Variants in HORMAD1 observed in about 807,000 individuals in gnomAD.
HORMAD1 encodes HORMA domain-containing protein 1.
HORMAD1 carries 33 observed loss-of-function variants against 58.2 expected under a neutral mutation model. The ratio of observed to expected loss-of-function variants is 0.57; its 90% CI spans 0.43 to 0.76. The LOEUF is 0.76. Among genes scored for constraint, HORMAD1 ranks in the 30% least tolerant of loss-of-function variants. The pLI is 0.00. For synonymous variants in HORMAD1, 137 were observed against 144.6 expected, an observed-to-expected ratio of 0.95 and a Z score of 0.38; for missense variants, 363 against 462.0, an observed-to-expected ratio of 0.79 and a Z score of 1.96.
intron 1 of HORMAD1, among the ~76,000 whole-genome samples, chr1:150,720,294 C>T (rs184489577): frequency 4.6e-5 from 7 of 152,300 alleles, no homozygotes; most frequent in African/African-American, 1.7e-4. Flanking sequence ...AAACTCCTGA[C>T]CTCGTGATCC....
In HORMAD1 at chr1:150,700,178, A is replaced by C. The variant is rs765065377; in HGVS notation, c.1038T>G (p.Asn346Lys). The C allele has an allele frequency of 3.2e-6, 5 of 1,560,112 alleles. No homozygotes were observed. The African/African-American group carries it at 6.8e-5, about 21-fold the overall frequency. ...SGKVFQNKMA[N>K]GNQPVKSSKE... is the part of the protein sequence containing the mutation. ...TGGAAGATTTTACTGGTTGATTTCC[A>C]TTTGCCTCCACAAAGATAGAATAAT... The change falls in exon 14 of 15, where the codon AAT becomes AAG. Residue 346 changes from asparagine to lysine, a missense_variant. Transcript: ENST00000361824.
chr1:150,704,025 C>A, intron 12 of HORMAD1, 93 bp downstream of exon 12: 12 of 756,762 alleles, frequency 1.6e-5, no homozygotes, highest in Middle Eastern at 3.4e-4. Flanking sequence ...TCTAAAAGAC[C>A]TGGAATAAGA....
chr1:150,698,604 A>G lies in HORMAD1; in HGVS notation c.*50T>C, dbSNP rs755973836. On this transcript the variant is annotated 3_prime_UTR_variant, in exon 15 of 15. Coordinates refer to ENST00000361824, the MANE Select transcript of HORMAD1 (RefSeq NM_032132.5). ...AGGGAAATATAATATAGGGTCCTTCAGTTTAAATGGTGAGAAGAACTCTGC... is the reference window on the plus strand; with the variant it reads ...AGGGAAATATAATATAGGGTCCTTCGGTTTAAATGGTGAGAAGAACTCTGC... 4.2e-6 allele frequency: 4 copies of G among 950,036 alleles called. No individual in the cohort carries two copies. Among genetic ancestry groups the G allele is most frequent in the Non-Finnish European group, 1.7e-6 (1 of 599,200 alleles). 58.9% of individuals were successfully genotyped at this position (950,036 alleles called of 1,614,324 possible).
At chr1:150,700,256 T>C (rs1393440545) in intron 13 of HORMAD1, 73 bp from the exon 14 acceptor site, 3 of 779,314 alleles carry the variant, frequency 3.8e-6, no homozygotes, top group Admixed American at 1.9e-5. Context: ...TTCAATCTTA[T>C]GCAACGATAT....
Position 150,710,170 on chromosome 1 carries a change from G to A in HORMAD1, c.328-1209C>T, listed in dbSNP as rs371236431. 7.9e-5 allele frequency among the ~76,000 whole-genome samples: 12 copies of A among 152,038 alleles called. No homozygotes were observed. In the East Asian group the frequency reaches 2.1e-3, roughly 27 times the overall value. On this transcript the variant is annotated intron_variant, in intron 7 of 14. Transcript: ENST00000361824. ...CTTTTCTCAGTCTCTCGTCCCACCC[G>A]ACTAGAAATACCCACAGGTGTGGAG...
intron 10 of HORMAD1, 143 bp from the exon 11 acceptor site, chr1:150,704,486 T>A (rs998681099): frequency 8.1e-6 from 5 of 614,108 alleles, no homozygotes; most frequent in South Asian, 4.2e-5. Context: ...TGGCTCATGC[T>A]TGTATTACTA....
intron 14 of HORMAD1, 64 bp from the exon 15 acceptor site, chr1:150,698,798 T>C: frequency 1.1e-6 from 1 of 926,814 alleles, no homozygotes; most frequent in South Asian, 1.7e-5. Flanking sequence ...TAATTGTAGA[T>C]TTTTTCATGT....
chr1:150,717,338 C>A, intron 2 of HORMAD1, 56 bp from the exon 3 acceptor site: 1 of 1,172,742 alleles, frequency 8.5e-7, no homozygotes. Flanking sequence ...AATAAAGTTT[C>A]TCTTGACTTA....
At chr1:150,711,370 C>T (rs1651897526) in intron 7 of HORMAD1, among the ~76,000 whole-genome samples, 175 bp downstream of exon 7, 2 of 152,134 alleles carry the variant, frequency 1.3e-5, no homozygotes, top group Non-Finnish European at 2.9e-5. Flanking sequence ...TTAAAGGTAA[C>T]AATCCAAGCC....
chr1:150,708,170 C>A, intron 9 of HORMAD1, 86 bp downstream of exon 9: 1 of 1,066,620 alleles, frequency 9.4e-7, no homozygotes, highest in South Asian at 2.2e-5. Flanking sequence ...AATTTAGGTG[C>A]TAAAAATATT....
chr1:150,713,773 T>C (rs973548692), intron 5 of HORMAD1: 1 of 225,574 alleles, frequency 4.4e-6, no homozygotes, highest in East Asian at 1.2e-4. Context: ...GTAGAAGGCA[T>C]GTGAAACTAA....
At chr1:150,705,487 T>C (rs1291657240) in intron 10 of HORMAD1, among the ~76,000 whole-genome samples, 2 of 151,586 alleles carry the variant, frequency 1.3e-5, no homozygotes, top group African/African-American at 4.9e-5. Context: ...ATCGTGCCAT[T>C]GCACTCCAGC....
Position 150,714,665 on chromosome 1 carries a change from T to C in HORMAD1, c.192A>G (p.Lys64=). ...GGCAATTTTTATCTTCTCTCAGTATTTTGACACAAAGATCTAAACACAAAA... is the reference window on the plus strand; with the variant it reads ...GGCAATTTTTATCTTCTCTCAGTATCTTGACACAAAGATCTAAACACAAAA... ...GTRYLDDLCV[K]ILREDKNCPG... The change falls in exon 4 of 15, where the codon AAA becomes AAG. Residue 64 remains lysine, a synonymous_variant. Coordinates refer to ENST00000361824, the MANE Select transcript of HORMAD1 (RefSeq NM_032132.5). 6.6e-7 allele frequency: 1 copy of C among 1,507,716 alleles called. No individual in the cohort carries two copies. The highest frequency in any genetic ancestry group is 9.0e-7 in the Non-Finnish European group (1 of 1,108,960). 93.4% of individuals were successfully genotyped at this position (1,507,716 alleles called of 1,614,324 possible).
intron 13 of HORMAD1, among the ~76,000 whole-genome samples, chr1:150,701,689 C>T (rs1461141335): frequency 6.6e-6 from 1 of 152,088 alleles, no homozygotes; most frequent in Admixed American, 6.5e-5. Flanking sequence ...TTGAGAGTAA[C>T]TTAAAGGTCT....
intron 3 of HORMAD1, among the ~76,000 whole-genome samples, chr1:150,715,257 T>C (rs1652034914): frequency 6.6e-6 from 1 of 152,184 alleles, no homozygotes; most frequent in African/African-American, 2.4e-5. Flanking sequence ...TGAAATTAGA[T>C]ATGTTGCTTT....
chr1:150,707,303 A>T (rs1651724492), intron 9 of HORMAD1, among the ~76,000 whole-genome samples: 1 of 152,188 alleles, frequency 6.6e-6, no homozygotes, highest in Non-Finnish European at 1.5e-5. Context: ...ACCATTCCAT[A>T]CCTAGCTGGT....
chr1:150,712,946 C>T (rs930571628), intron 5 of HORMAD1, among the ~76,000 whole-genome samples: 2 of 152,164 alleles, frequency 1.3e-5, no homozygotes, highest in Admixed American at 1.3e-4. Flanking sequence ...AGTGCTCTGG[C>T]CCTGCTTATC....
chr1:150,702,624 C>A (rs1278176492), intron 13 of HORMAD1, among the ~76,000 whole-genome samples: 2 of 152,030 alleles, frequency 1.3e-5, no homozygotes, highest in African/African-American at 4.8e-5. Context: ...AGCCATTATC[C>A]TCAGCAAACT....
chr1:150,718,182 C>A (rs1333840212), intron 2 of HORMAD1, among the ~76,000 whole-genome samples: 5 of 151,942 alleles, frequency 3.3e-5, no homozygotes, highest in Admixed American at 2.6e-4. Flanking sequence ...AAAAAGGAAA[C>A]CCATACCAAT....
Sources: allele counts gnomAD v4.1 joint callset (sites outside exome capture counted in the v4.1 genomes callset), GRCh38; gene constraint gnomAD v4.1.1; transcripts MANE v1.5; gene names NCBI Gene and HGNC (gene_info 2026-07-23, HGNC 2026-07-21).